ZNF28: variants seen among roughly 807,000 people sequenced by gnomAD.
ZNF28 encodes zinc finger protein KOX24.
A neutral mutation model predicts 7.2 loss-of-function variants in ZNF28; 5 were observed. The observed-to-expected ratio is 0.70, with a 90% CI of 0.36 to 1.46. The LOEUF (loss-of-function observed/expected upper bound fraction) is 1.46. Ranked by LOEUF, ZNF28 falls within the 40% of genes most tolerant of loss-of-function variation. The pLI is 0.03. For synonymous variants in ZNF28, 288 were observed against 292.4 expected (o/e 0.99, Z 0.15); for missense variants, 879 against 866.6 (o/e 1.01, Z -0.18).
intron 1 of ZNF28, among the ~76,000 whole-genome samples, chr19:52,819,347 G>A (rs1220645556): frequency 2.1e-5 from 3 of 145,594 alleles, no homozygotes; most frequent in East Asian, 2.0e-4. Context: ...AAAGTCCTCC[G>A]AAGATGGTCT....
rs551605732 is a variant in ZNF28 at position 52,800,292 on chromosome 19, G to T, written c.1553C>A (p.Thr518Asn). The T allele has an allele frequency of 1.9e-6, 3 of 1,607,208 alleles. No individual in the cohort carries two copies. The East Asian group carries it at 6.8e-5, about 36-fold the overall frequency. ...ATTACACATGTATGGTTTCTCTCCAGTATGAACTCTCTGATGTTCTGTAAG... is the reference window on the plus strand; with the variant it reads ...ATTACACATGTATGGTTTCTCTCCATTATGAACTCTCTGATGTTCTGTAAG... The part of the protein sequence containing the change: ...SCLTEHQRVH[T>N]GEKPYMCNEC... Residue 518 changes from threonine to asparagine, a missense_variant, in exon 4 of 4, where the codon ACT (threonine) becomes AAT (asparagine). Physicochemically the swap from Thr to Asn is moderately conservative, Grantham distance 65. Coordinates refer to ENST00000457749, the MANE Select transcript of ZNF28 (RefSeq NM_006969.5).
chr19:52,809,987 A>G (rs1430935818), intron 2 of ZNF28: 3 of 775,614 alleles, frequency 3.9e-6, no homozygotes, highest in Admixed American at 2.0e-5. Flanking sequence ...AGTCTGAGGA[A>G]CTGGAGCCTG....
intron 2 of ZNF28, among the ~76,000 whole-genome samples, chr19:52,813,031 A>C (rs1292886771): frequency 6.6e-6 from 1 of 151,854 alleles, no homozygotes; most frequent in Non-Finnish European, 1.5e-5. Flanking sequence ...CAATTTATAC[A>C]TTGTGAAAAG....
chr19:52,800,705 C>T lies in ZNF28; in HGVS notation c.1140G>A (p.Glu380=), dbSNP rs563496029. 2.4e-5 allele frequency: 39 copies of T among 1,611,706 alleles called. No homozygotes were observed. In the South Asian group the frequency reaches 3.1e-4, roughly 13 times the overall value. ...LARHRRLHTG[E]KPYECEECEK... ...CACATTCTTCACATTCATAAGGTTT[C>T]TCTCCAGTATGAAGCCTACGATGGC... The change falls in exon 4 of 4, where the codon GAG becomes GAA. Residue 380 remains glutamate (E), a synonymous_variant. Coordinates refer to ENST00000457749, the MANE Select transcript of ZNF28 (RefSeq NM_006969.5).
At chr19:52,809,161 C>T (rs2062978076) in intron 2 of ZNF28, among the ~76,000 whole-genome samples, 1 of 152,084 alleles carries the variant, frequency 6.6e-6, no homozygotes, top group Non-Finnish European at 1.5e-5. Flanking sequence ...GGAATCTTGT[C>T]AGATCTAAGA....
rs755749057 is a variant in ZNF28 at position 52,801,029 on chromosome 19, C to A, written c.816G>T (p.Lys272Asn). The A allele has an allele frequency of 6.2e-7, 1 of 1,613,938 alleles. No homozygotes were observed. Among genetic ancestry groups the A allele is most frequent in the Non-Finnish European group, 8.5e-7 (1 of 1,180,012 alleles). ...CAAAGATCTTGCCACACTCATTACACTTGTAAGGTTTCTCATCAATGTGAG... is the reference window on the plus strand; with the variant it reads ...CAAAGATCTTGCCACACTCATTACAATTGTAAGGTTTCTCATCAATGTGAG... ...RRSHIDEKPY[K>N]CNECGKIFGH... The change falls in exon 4 of 4, where the codon AAG becomes AAT. Residue 272 changes from lysine (K) to asparagine (N), a missense_variant. By Grantham distance (94) the Lys-to-Asn change is moderately conservative. Coordinates refer to ENST00000457749, the MANE Select transcript of ZNF28 (RefSeq NM_006969.5).
At position 52,809,822 on chromosome 19, in the gene ZNF28, A is replaced by AGGCAGCGGCGGCGGCGGCAGCGGC. The variant is rs202197218; in HGVS notation, c.16-1690_16-1689insGCCGCTGCCGCCGCCGCCGCTGCC. ...AAAAGGAGCCCAGTCTGAGCGGCGAAGGCGGCGGCGGCGGCGGTGGCGGTG... is the reference window on the plus strand; with the variant it reads ...AAAAGGAGCCCAGTCTGAGCGGCGAAGGCAGCGGCGGCGGCGGCAGCGGCGGCGGCGGCGGCGGCGGTGGCGGTG... On this transcript the variant is annotated intron_variant, in intron 2 of 3. Transcript: ENST00000457749. The AGGCAGCGGCGGCGGCGGCAGCGGC allele has an allele frequency of 1.1e-5, 6 of 527,232 alleles. No individual in the cohort carries two copies. The Admixed American group carries it at 1.8e-4, about 16-fold the overall frequency. The allele number at this position is 527,232 out of a possible 1,614,324, so 32.7% of individuals were successfully genotyped here. A position where few individuals can be genotyped will look rare whatever the true frequency, so the allele number is the denominator to read the frequency against.
At position 52,810,555 on chromosome 19, in the gene ZNF28, C is replaced by A. The variant is rs561716767; in HGVS notation, c.16-2422G>T. On this transcript the variant is annotated intron_variant, in intron 2 of 3. Transcript: ENST00000457749. ...CGAACCAACAGACCAGGCATCAGCACAACAGACCGGGGTCTTCCACGAGCC... is the reference window on the plus strand; with the variant it reads ...CGAACCAACAGACCAGGCATCAGCAAAACAGACCGGGGTCTTCCACGAGCC... 18 of 1,595,130 alleles carry A rather than the reference C, an allele frequency of 1.1e-5. No individual in the cohort carries two copies. In the East Asian group the frequency reaches 3.8e-4, roughly 34 times the overall value.
chr19:52,812,152 GC>G (rs1254337469), intron 2 of ZNF28, among the ~76,000 whole-genome samples: 2 of 125,804 alleles, frequency 1.6e-5, no homozygotes, highest in South Asian at 5.4e-4. Context: ...GGGGGGGTCA[GC>G]CCCCCGCCCG....
chr19:52,815,845 G>C (rs1462990187), intron 2 of ZNF28, among the ~76,000 whole-genome samples: 1 of 145,292 alleles, frequency 6.9e-6, no homozygotes, highest in Non-Finnish European at 1.5e-5. Context: ...AATAACTATC[G>C]TGTACTGGCC....
Position 52,799,109 on chromosome 19 carries a change from C to A in ZNF28, c.*579G>T. 2.4e-6 allele frequency: 1 copy of A among 417,416 alleles called. No homozygotes were observed. 25.9% of individuals were successfully genotyped at this position (417,416 alleles called of 1,614,324 possible). The stretch of plus-strand genomic sequence containing the variant: ...CACAGTCTTCACATTTGTAAGATTT[C>A]TCTGCAGTATGAAGACTATGATGAC... On this transcript the variant is annotated 3_prime_UTR_variant, in exon 4 of 4. Coordinates refer to ENST00000457749, the MANE Select transcript of ZNF28 (RefSeq NM_006969.5).
chr19:52,819,257 C>T (rs1218090011), intron 1 of ZNF28, among the ~76,000 whole-genome samples: 1 of 139,046 alleles, frequency 7.2e-6, no homozygotes, highest in Non-Finnish European at 1.5e-5. Context: ...TCCTGGGGAA[C>T]ACGGGAAGCA....
Position 52,815,774 on chromosome 19 carries a change from G to A in ZNF28, c.15+2170C>T, listed in dbSNP as rs375452996. Among the ~76,000 whole-genome samples, 320 of 146,202 alleles carry A rather than the reference G, an allele frequency of 2.2e-3. 41 individuals carry two copies. Among genetic ancestry groups the A allele is most frequent in the African/African-American group, 8.1e-3 (306 of 37,596 alleles). On this transcript the variant is annotated intron_variant, in intron 2 of 3. Coordinates refer to ENST00000457749, the MANE Select transcript of ZNF28 (RefSeq NM_006969.5). ...CAGGAGGCGGAGCTTGCAGTGAGCC[G>A]AGATTGCACCACTGCACTCCAGCCT...
intron 2 of ZNF28, 39 bp from the exon 3 acceptor site, chr19:52,808,172 G>T: frequency 6.2e-7 from 1 of 1,610,170 alleles, no homozygotes; most frequent in Non-Finnish European, 8.5e-7. Flanking sequence ...GGTTATGGTG[G>T]AGTTCTTATC....
chr19:52,809,910 C>T (rs1405381948), intron 2 of ZNF28: 3 of 835,320 alleles, frequency 3.6e-6, no homozygotes, highest in East Asian at 5.3e-5. Flanking sequence ...CCATCTTGTG[C>T]CCGGGGCCGG....
chr19:52,810,868 C>T (rs1328917373), intron 2 of ZNF28, among the ~76,000 whole-genome samples: 37 of 1,518 alleles, frequency 0.024, 1 homozygote, highest in African/African-American at 0.095. Context: ...TCCCCCTCCC[C>T]CTCCCCCTCC....
Position 52,818,157 on chromosome 19 carries a change from C to T in ZNF28, c.-73-126G>A, listed in dbSNP as rs528632180. Reference sequence around the variant, plus strand: ...GTCCCCTATGCTGCCTACCGCACCACGAACAAAAAATTCCTACAGGAAAAC... The same window carrying T: ...GTCCCCTATGCTGCCTACCGCACCATGAACAAAAAATTCCTACAGGAAAAC... On this transcript the variant is annotated intron_variant, in intron 1 of 3. Coordinates refer to ENST00000457749, the MANE Select transcript of ZNF28 (RefSeq NM_006969.5). The T allele has an allele frequency of 2.1e-4, 213 of 1,028,718 alleles. 1 individual carries two copies. In the African/African-American group the frequency reaches 2.7e-3, roughly 13 times the overall value. 63.7% of individuals were successfully genotyped at this position (1,028,718 alleles called of 1,614,324 possible).
chr19:52,799,917 G>C lies in ZNF28; in HGVS notation c.1928C>G (p.Thr643Ser), dbSNP rs137872611. 122 of 1,613,624 alleles carry C rather than the reference G, an allele frequency of 7.6e-5. No homozygotes were observed. Among genetic ancestry groups the C allele is most frequent in the Non-Finnish European group, 9.5e-5 (112 of 1,179,840 alleles). Residue 643 changes from threonine to serine, a missense_variant, in exon 4 of 4, where the codon ACC (threonine) becomes AGC (serine). By Grantham distance (58) the Thr-to-Ser change is moderately conservative (BLOSUM62 1). This residue lies in a region of ZNF28 where 864 missense variants were observed against 830.2 expected (regional missense o/e 1.04). Transcript: ENST00000457749. ...KPYKCNECGK[T>S]FSQMSSLVYH... ...TACGAGGGATGACATCTGACTGAAG[G>C]TCTTGCCACACTCATTACACTTGTA...
chr19:52,801,905 T>C (rs1300816099), intron 3 of ZNF28, among the ~76,000 whole-genome samples: 1 of 152,200 alleles, frequency 6.6e-6, no homozygotes, highest in East Asian at 1.9e-4. Context: ...TGAAAGTCTA[T>C]TTCCTATATC....
Sources: gnomAD v4.1 joint callset for allele counts (sites outside exome capture counted in the v4.1 genomes callset) on GRCh38, gnomAD v4.1.1 for gene constraint, gnomAD v4.1.1 regional missense constraint, MANE v1.5 for transcripts, NCBI Gene and HGNC (gene_info 2026-07-23, HGNC 2026-07-21) for gene names.